The following CCBE1 variants were observed in gnomAD, a reference collection of about 807,000 sequenced individuals.
CCBE1 encodes the protein collagen and calcium binding EGF domains 1, also known as collagen and calcium-binding EGF domain-containing protein 1.
A neutral mutation model predicts 50.0 loss-of-function variants in CCBE1; 37 were observed. That is an observed-to-expected ratio of 0.74 (90% confidence interval 0.57 to 0.97). CCBE1 has a LOEUF of 0.97. Ranked by LOEUF, CCBE1 falls within the 50% of genes least tolerant of loss-of-function variation. CCBE1 has a pLI of 0.00. For missense variants in CCBE1, 538 were observed against 523.8 expected (o/e 1.03, Z -0.26); for synonymous variants, 234 against 203.7 (o/e 1.15, Z -1.27).
At chr18:59,520,556 G>A (rs946883874) in intron 2 of CCBE1, among the ~76,000 whole-genome samples, 1 of 152,220 alleles carries the variant, frequency 6.6e-6, no homozygotes, top group Non-Finnish European at 1.5e-5. Context: ...TCAAATGAAT[G>A]TCAAGGTATG....
chr18:59,582,805 T>C (rs1392749616), intron 2 of CCBE1, among the ~76,000 whole-genome samples: 1 of 152,166 alleles, frequency 6.6e-6, no homozygotes, highest in East Asian at 1.9e-4. Context: ...AAAGTCAAAC[T>C]TTCGGAGACA....
At chr18:59,605,674 T>C (rs2053488541) in intron 2 of CCBE1, among the ~76,000 whole-genome samples, 1 of 152,160 alleles carries the variant, frequency 6.6e-6, no homozygotes, top group Admixed American at 6.5e-5. Context: ...GCTACCCACC[T>C]AGAGCTTGCA....
Position 59,696,629 on chromosome 18 carries a change from C to T in CCBE1, c.212G>A (p.Arg71Lys). The change falls in exon 2 of 11, where the codon AGG (arginine) becomes AAG (lysine). Residue 71 changes from arginine to lysine, a missense_variant and splice_region_variant. Arg to Lys is a conservative substitution (Grantham distance 26, BLOSUM62 2). Coordinates refer to ENST00000439986, the MANE Select transcript of CCBE1 (RefSeq NM_133459.4). The stretch of plus-strand genomic sequence containing the variant: ...CAGCCCGCAGAGCCCCCAGGCTTAC[C>T]TGTAGCATGTGGTGAGCTCGCCTGA... Reference protein sequence around the residue: ...KSSGELTTCYRKKCCKGYKFV... With the variant: ...KSSGELTTCYKKKCCKGYKFV... 1.9e-6 allele frequency: 3 copies of T among 1,613,950 alleles called. No homozygotes were observed. Among genetic ancestry groups the T allele is most frequent in the Non-Finnish European group, 2.5e-6 (3 of 1,179,946 alleles).
At chr18:59,662,491 T>C (rs2054298619) in intron 2 of CCBE1, among the ~76,000 whole-genome samples, 1 of 152,206 alleles carries the variant, frequency 6.6e-6, no homozygotes, top group East Asian at 1.9e-4. Flanking sequence ...AGCACCATGG[T>C]AGGAAGGTGA....
chr18:59,476,494 G>C (rs1912312754), intron 3 of CCBE1, among the ~76,000 whole-genome samples: 1 of 152,196 alleles, frequency 6.6e-6, no homozygotes, highest in African/African-American at 2.4e-5. Context: ...TTTTGGCTTT[G>C]TAGATCTCTT....
At chr18:59,665,338 C>T (rs765670165) in intron 2 of CCBE1, among the ~76,000 whole-genome samples, 4 of 152,094 alleles carry the variant, frequency 2.6e-5, no homozygotes, top group African/African-American at 7.2e-5. Context: ...TCTGTTCATT[C>T]GCATTAAAGG....
At chr18:59,657,938 C>T (rs2054213327) in intron 2 of CCBE1, among the ~76,000 whole-genome samples, 2 of 151,936 alleles carry the variant, frequency 1.3e-5, no homozygotes, top group South Asian at 2.1e-4. Flanking sequence ...CTCTTGATAA[C>T]TTGGTTGTAA....
intron 2 of CCBE1, among the ~76,000 whole-genome samples, chr18:59,600,459 C>A (rs1460479121): frequency 6.6e-6 from 1 of 152,054 alleles, no homozygotes; most frequent in East Asian, 1.9e-4. Flanking sequence ...ATGTAATGTG[C>A]TTGAATCATC....
chr18:59,663,620 G>A (rs1048718153), intron 2 of CCBE1, among the ~76,000 whole-genome samples: 2 of 151,964 alleles, frequency 1.3e-5, no homozygotes, highest in African/African-American at 4.8e-5. Context: ...GCAGAGCTGG[G>A]TACGTTTGGG....
intron 2 of CCBE1, among the ~76,000 whole-genome samples, chr18:59,545,392 G>C (rs372251202): frequency 9.2e-5 from 14 of 152,122 alleles, no homozygotes; most frequent in African/African-American, 2.9e-4. Flanking sequence ...ATATCGGTGT[G>C]AGCACCCACA....
chr18:59,559,440 GC>G (rs1350781493), intron 2 of CCBE1, among the ~76,000 whole-genome samples: 1 of 152,212 alleles, frequency 6.6e-6, no homozygotes, highest in Non-Finnish European at 1.5e-5. Context: ...TGGTGCCCGT[GC>G]CCCGCCAAGT....
chr18:59,552,895 A>G (rs1451354284), intron 2 of CCBE1, among the ~76,000 whole-genome samples: 1 of 152,228 alleles, frequency 6.6e-6, no homozygotes, highest in Non-Finnish European at 1.5e-5. Flanking sequence ...ACTTCCTCTG[A>G]TCTATAATGT....
At chr18:59,679,972 C>G (rs1290474793) in intron 2 of CCBE1, among the ~76,000 whole-genome samples, 1 of 152,120 alleles carries the variant, frequency 6.6e-6, no homozygotes, top group Non-Finnish European at 1.5e-5. Flanking sequence ...GCCTGTAATC[C>G]CAGCACTTTG....
At chr18:59,691,199 T>C (rs112175291) in intron 2 of CCBE1, among the ~76,000 whole-genome samples, 1 of 152,220 alleles carries the variant, frequency 6.6e-6, no homozygotes, top group Non-Finnish European at 1.5e-5. Context: ...ACAACCTCTC[T>C]GTCCAGGCAT....
intron 2 of CCBE1, among the ~76,000 whole-genome samples, chr18:59,652,065 A>G (rs973572938): frequency 6.6e-6 from 1 of 151,804 alleles, no homozygotes; most frequent in African/African-American, 2.4e-5. Context: ...CCACTCTATC[A>G]TCTGTTCAAA....
At chr18:59,645,233 CAA>C (rs2054041109) in intron 2 of CCBE1, among the ~76,000 whole-genome samples, 1 of 152,088 alleles carries the variant, frequency 6.6e-6, no homozygotes. Flanking sequence ...GTCTCAACAA[CAA>C]CAACAAAAAA....
chr18:59,454,767 C>G (rs1446432569), intron 6 of CCBE1, 84 bp downstream of exon 6: 1 of 1,170,416 alleles, frequency 8.5e-7, no homozygotes, highest in Non-Finnish European at 1.3e-6. Flanking sequence ...TGGATATTTT[C>G]TTATTTGTAA....
chr18:59,589,993 AAGAC>A (rs1000780898), intron 2 of CCBE1, among the ~76,000 whole-genome samples: 1 of 152,170 alleles, frequency 6.6e-6, no homozygotes, highest in African/African-American at 2.4e-5. Flanking sequence ...TCTTGATTAA[AAGAC>A]ACACACCGAC....
At chr18:59,466,447 C>A (rs1008920171) in intron 5 of CCBE1, among the ~76,000 whole-genome samples, 1 of 151,992 alleles carries the variant, frequency 6.6e-6, no homozygotes, top group Non-Finnish European at 1.5e-5. Context: ...GTTTTTTAAA[C>A]CTCTTTTTCT....
Sources: allele counts gnomAD v4.1 joint callset (sites outside exome capture counted in the v4.1 genomes callset), GRCh38; gene constraint gnomAD v4.1.1; transcripts MANE v1.5; gene names NCBI Gene and HGNC (gene_info 2026-07-23, HGNC 2026-07-21).